The following BTBD18 variants were observed in gnomAD, a reference collection of about 807,000 sequenced individuals.
BTBD18 encodes the protein BTB/POZ domain-containing protein 18.
For missense variants in BTBD18, 787 were observed against 846.3 expected, an observed-to-expected ratio of 0.93 and a Z score of 0.87; for synonymous variants, 311 against 324.4, an observed-to-expected ratio of 0.96 and a Z score of 0.44.
At position 57,744,344 on chromosome 11, in the gene BTBD18, A is replaced by C; in HGVS notation, c.1929T>G (p.Thr643=). ...GAGAAGGGTATAATAACTCATCTGTAGTCAAGGAGACTTCCAGCCCAGTCT... is the reference window on the plus strand; with the variant it reads ...GAGAAGGGTATAATAACTCATCTGTCGTCAAGGAGACTTCCAGCCCAGTCT... ...WVETGLEVSL[T]TDELLYPSPK... Residue 643 remains threonine (T), a synonymous_variant, in exon 3 of 3, where the codon ACT becomes ACG. Coordinates refer to ENST00000422652, the MANE Select transcript of BTBD18 (RefSeq NM_001145101.3). The C allele has an allele frequency of 6.4e-7, 1 of 1,551,624 alleles. No individual in the cohort carries two copies. Among genetic ancestry groups the C allele is most frequent in the Non-Finnish European group, 8.7e-7 (1 of 1,146,940 alleles).
chr11:57,744,152 CTCTGTT>C lies in BTBD18; in HGVS notation c.2115_2120del (p.Thr706_Glu707del). 2 of 1,550,514 alleles carry C rather than the reference CTCTGTT, an allele frequency of 1.3e-6. No homozygotes were observed. Among genetic ancestry groups the C allele is most frequent in the Non-Finnish European group, 1.7e-6 (2 of 1,146,236 alleles). On this transcript the variant is annotated inframe_deletion, in exon 3 of 3. Transcript: ENST00000422652. ...CTCTCCACTATGTTAGTATATCTAC[CTCTGTT>C]TCTGACTCTGAGGAAGGGTCAGGCC...
chr11:57,748,527 CA>C (rs1949238403), intron 2 of BTBD18, among the ~76,000 whole-genome samples: 1 of 129,204 alleles, frequency 7.7e-6, no homozygotes, highest in Non-Finnish European at 1.6e-5. Flanking sequence ...CTAACCTGGG[CA>C]AAACAGTGAG....
chr11:57,746,749 T>C (rs1397984652), intron 2 of BTBD18, among the ~76,000 whole-genome samples: 1 of 149,356 alleles, frequency 6.7e-6, no homozygotes, highest in Non-Finnish European at 1.5e-5. Flanking sequence ...AGCAGGAGAA[T>C]TGCTTGAGTC....
rs773294188 is a variant in BTBD18, at chr11:57,744,581, C to A, written c.1692G>T (p.Glu564Asp). The A allele has an allele frequency of 6.4e-7, 1 of 1,551,704 alleles. No homozygotes were observed. Among genetic ancestry groups the A allele is most frequent in the South Asian group, 1.2e-5 (1 of 84,064 alleles). ...LTELEKEPAGENRGPTELLSP... is the reference protein window; with the variant it reads ...LTELEKEPAGDNRGPTELLSP... ...TAAGGAGCTCAGTTGGCCCTCTGTT[C>A]TCACCAGCAGGTTCCTTTTCCAATT... Residue 564 changes from glutamate (E) to aspartate (D), a missense_variant, in exon 3 of 3, where the codon GAG becomes GAT. Coordinates refer to ENST00000422652, the MANE Select transcript of BTBD18 (RefSeq NM_001145101.3).
At position 57,745,367 on chromosome 11, in the gene BTBD18, A is replaced by G. The variant is rs1206111644; in HGVS notation, c.906T>C (p.Ser302=). Residue 302 remains serine (S), a synonymous_variant, in exon 3 of 3, where the codon AGT becomes AGC. Transcript: ENST00000422652. The part of the protein sequence containing the change: ...TPGRRLWRQR[S]VNKETPEDKP... ...TGTCCTCTGGTGTTTCTTTATTTAC[A>G]CTCCTCTGCCGCCAAAGACGCCGGC... is the stretch of plus-strand genomic sequence containing the variant. 4 of 1,550,726 alleles carry G rather than the reference A, an allele frequency of 2.6e-6. 1 individual carries two copies. Among genetic ancestry groups the G allele is most frequent in the South Asian group, 2.4e-5 (2 of 84,012 alleles).
intron 2 of BTBD18, among the ~76,000 whole-genome samples, chr11:57,747,691 G>A (rs1407206523): frequency 6.6e-6 from 1 of 152,026 alleles, no homozygotes; most frequent in Non-Finnish European, 1.5e-5. Flanking sequence ...TAGAGACAGG[G>A]TTTCACCATG....
Position 57,745,262 on chromosome 11 carries a change from C to T in BTBD18, c.1011G>A (p.Lys337=). Residue 337 remains lysine (K), a synonymous_variant, in exon 3 of 3, where the codon AAG becomes AAA. Transcript: ENST00000422652. ...TAGGTGCCCTGACTTCAGGGCTCCG[C>T]TTCCTGCTCCCACCTGTCTTTCCCA... ...SGLGKTGGSR[K]RSPEVRAPNS... is the part of the protein sequence containing the mutation. 6.4e-7 allele frequency: 1 copy of T among 1,551,726 alleles called. No individual in the cohort carries two copies.
In BTBD18 at chr11:57,744,126, C is replaced by T. The variant is rs747801969; in HGVS notation, c.*8G>A. ...TCCCAAGGCCCCTAACCTGCCCTCC[C>T]CTCTCCACTATGTTAGTATATCTAC... On this transcript the variant is annotated 3_prime_UTR_variant, in exon 3 of 3. Coordinates refer to ENST00000422652, the MANE Select transcript of BTBD18 (RefSeq NM_001145101.3). 5 of 1,533,314 alleles carry T rather than the reference C, an allele frequency of 3.3e-6. No individual in the cohort carries two copies. The highest frequency in any genetic ancestry group is 1.2e-5 in the South Asian group (1 of 82,040). 95.0% of individuals were successfully genotyped at this position (1,533,314 alleles called of 1,614,324 possible). A position where few individuals can be genotyped will look rare whatever the true frequency, so the allele number is the denominator to read the frequency against.
At chr11:57,752,147 T>G (rs1949324558), upstream of BTBD18, among the ~76,000 whole-genome samples, 1 of 152,202 alleles carries the variant, frequency 6.6e-6, no homozygotes, top group Admixed American at 6.5e-5. Context: ...CTGTGTTCCT[T>G]TCCTGGAATG....
In BTBD18 at chr11:57,748,250, C is replaced by G. The variant is rs79222630; in HGVS notation, c.125-2102G>C. ...AATTAAGTATCAGGTTTTTTTAAAG[C>G]TAATATTTGTTGAGTCATTATGTTC... On this transcript the variant is annotated intron_variant, in intron 2 of 2. Coordinates refer to ENST00000422652, the MANE Select transcript of BTBD18 (RefSeq NM_001145101.3). 8.9e-3 allele frequency among the ~76,000 whole-genome samples: 1,360 copies of G among 152,222 alleles called. 20 individuals are homozygous for G. Among genetic ancestry groups the G allele is most frequent in the African/African-American group, 0.03 (1,254 of 41,528 alleles).
chr11:57,744,451 C>T lies in BTBD18; in HGVS notation c.1822G>A (p.Asp608Asn), dbSNP rs1278373240. The change falls in exon 3 of 3, where the codon GAC becomes AAC. Residue 608 changes from aspartate (D) to asparagine (N), a missense_variant. Coordinates refer to ENST00000422652, the MANE Select transcript of BTBD18 (RefSeq NM_001145101.3). ...AGGGAGCTGACATGGAGAAGTTTGT[C>T]TTCCTGACCATCCAGTGGCTGGGAG... is the stretch of plus-strand genomic sequence containing the variant. The part of the protein sequence containing the change: ...TSSQPLDGQE[D>N]KLLHVSSLDT... 2 of 1,551,568 alleles carry T rather than the reference C, an allele frequency of 1.3e-6. No individual in the cohort carries two copies. The highest frequency in any genetic ancestry group is 1.7e-6 in the Non-Finnish European group (2 of 1,146,996).
chr11:57,744,296 A>G lies in BTBD18; in HGVS notation c.1977T>C (p.Ser659=). ...GTGAGCCTAGTAGTTCAGAGTGACC[A>G]GATACCTCCTTGCCTGCCTTGGGAG... ...YPSPKAGKEV[S]GHSELLGSLP... is the part of the protein sequence containing the mutation. Residue 659 remains serine (S), a synonymous_variant, in exon 3 of 3, where the codon TCT becomes TCC. Transcript: ENST00000422652. 2 of 1,551,696 alleles carry G rather than the reference A, an allele frequency of 1.3e-6. No homozygotes were observed. The highest frequency in any genetic ancestry group is 1.2e-5 in the South Asian group (1 of 84,066).
chr11:57,744,404 A>G lies in BTBD18; in HGVS notation c.1869T>C (p.Tyr623=), dbSNP rs754842711. The G allele has an allele frequency of 1.5e-5, 23 of 1,551,594 alleles. No homozygotes were observed. The African/African-American group carries it at 1.6e-4, about 11-fold the overall frequency. The change falls in exon 3 of 3, where the codon TAT becomes TAC. Residue 623 remains tyrosine (Y), a synonymous_variant. Coordinates refer to ENST00000422652, the MANE Select transcript of BTBD18 (RefSeq NM_001145101.3). The stretch of plus-strand genomic sequence containing the variant: ...TTGAGCAGGGAGGTGAGAGGTCCCC[A>G]TAAGACCTCTGGGGAGTATCAAGGG... The part of the protein sequence containing the change: ...VSSLDTPQRS[Y]GDLSPPCSNW...
chr11:57,744,770 C>T lies in BTBD18; in HGVS notation c.1503G>A (p.Met501Ile). The T allele has an allele frequency of 6.4e-7, 1 of 1,551,734 alleles. No homozygotes were observed. The highest frequency in any genetic ancestry group is 2.4e-5 in the East Asian group (1 of 40,926). ...GTGGTTCAATGTCTGAGCCACAGAG[C>T]ATGAAGTCCAGGATCTCCTCCAGCT... ...TSELEEILDF[M>I]LCGSDIEPPI... Residue 501 changes from methionine (M) to isoleucine (I), a missense_variant, in exon 3 of 3, where the codon ATG (methionine) becomes ATA (isoleucine). By Grantham distance (10) the Met-to-Ile change is conservative. Transcript: ENST00000422652.
chr11:57,746,297 C>T, intron 2 of BTBD18, 149 bp from the exon 3 acceptor site: 1 of 648,650 alleles, frequency 1.5e-6, no homozygotes, highest in Non-Finnish European at 2.5e-6. Flanking sequence ...CTTCTGCCTG[C>T]CTGGAACCTT....
chr11:57,750,302 G>A (rs1431877861), intron 2 of BTBD18, among the ~76,000 whole-genome samples: 5 of 152,096 alleles, frequency 3.3e-5, no homozygotes, highest in East Asian at 1.9e-4. Context: ...GCTTGAACGC[G>A]GGAGGTGGAG....
At chr11:57,753,136 C>T (rs529911280), upstream of BTBD18, 3 of 155,308 alleles carry the variant, frequency 1.9e-5, no homozygotes, top group East Asian at 5.8e-4. Flanking sequence ...CGTCCTAGCG[C>T]GCTGCGCGTC....
rs1014542324 is a variant in BTBD18 at position 57,744,121 on chromosome 11, C to T, written c.*13G>A. On this transcript the variant is annotated 3_prime_UTR_variant, in exon 3 of 3. Coordinates refer to ENST00000422652, the MANE Select transcript of BTBD18 (RefSeq NM_001145101.3). ...CACCCTCCCAAGGCCCCTAACCTGC[C>T]CTCCCCTCTCCACTATGTTAGTATA... The T allele has an allele frequency of 1.8e-5, 28 of 1,522,902 alleles. No individual in the cohort carries two copies. Among genetic ancestry groups the T allele is most frequent in the Non-Finnish European group, 2.3e-5 (26 of 1,127,596 alleles). The allele number at this position is 1,522,902 out of a possible 1,614,324, so 94.3% of individuals were successfully genotyped here.
rs1949141032 is a variant in BTBD18, at chr11:57,743,947, C to G, written c.*187G>C. The G allele has an allele frequency of 3.7e-6, 2 of 538,044 alleles. No individual in the cohort carries two copies. Among genetic ancestry groups the G allele is most frequent in the Non-Finnish European group, 6.6e-6 (2 of 303,202 alleles). The allele number at this position is 538,044 out of a possible 1,614,324, so 33.3% of individuals were successfully genotyped here. A position where few individuals can be genotyped will look rare whatever the true frequency, so the allele number is the denominator to read the frequency against. The stretch of plus-strand genomic sequence containing the variant: ...TAAGATGGTACAAGTTCATAATTTT[C>G]TATCTATGGTACCCTTGGCTTCTGC... On this transcript the variant is annotated 3_prime_UTR_variant, in exon 3 of 3. Coordinates refer to ENST00000422652, the MANE Select transcript of BTBD18 (RefSeq NM_001145101.3).
Sources: gnomAD v4.1 joint callset for allele counts (sites outside exome capture counted in the v4.1 genomes callset) on GRCh38, gnomAD v4.1.1 for gene constraint, MANE v1.5 for transcripts, NCBI Gene and HGNC (gene_info 2026-07-23, HGNC 2026-07-21) for gene names.